The following ACSF3 variants were observed in gnomAD, a reference collection of about 807,000 sequenced individuals.
ACSF3 encodes malonate--CoA ligase ACSF3, mitochondrial.
In ACSF3, 78 loss-of-function variants were observed where a neutral mutation model predicts 53.2. The observed-to-expected ratio is 1.47, with a 90% CI of 1.22 to 1.77. The LOEUF (loss-of-function observed/expected upper bound fraction) is 1.77, where lower values mean the gene tolerates loss of function less well. Among genes scored for constraint, ACSF3 ranks in the 40% most tolerant of loss-of-function variants. The probability of loss-of-function intolerance (pLI) is 0.00; values close to 1 mark genes in which losing one functional copy is unlikely to be tolerated. For missense variants in ACSF3, 937 were observed against 771.1 expected (o/e 1.22, Z -2.55); for synonymous variants, 414 against 333.1 (o/e 1.24, Z -2.65).
rs1315256062 is a variant in ACSF3 at position 89,154,465 on chromosome 16, A to C, written c.*258A>C. 1.6e-6 allele frequency: 1 copy of C among 625,986 alleles called. No individual in the cohort carries two copies. The highest frequency in any genetic ancestry group is 2.1e-5 in the Admixed American group (1 of 47,508). The allele number at this position is 625,986 out of a possible 1,614,324, so 38.8% of individuals were successfully genotyped here. ...CGACCTCATCTGTGCAGCGCGGTGC[A>C]GCCAGCCCCTGGCCCCACGTGCTGA... On this transcript the variant is annotated 3_prime_UTR_variant, in exon 11 of 11. Coordinates refer to ENST00000614302, the MANE Select transcript of ACSF3 (RefSeq NM_001243279.3).
chr16:89,117,294 C>G (rs534877997), intron 6 of ACSF3, among the ~76,000 whole-genome samples: 221 of 152,354 alleles, frequency 1.5e-3, no homozygotes, highest in African/African-American at 5.1e-3. Flanking sequence ...TTTGCACTCA[C>G]ATACAAGAAC....
At chr16:89,117,596 C>G (rs1905378050) in intron 6 of ACSF3, among the ~76,000 whole-genome samples, 1 of 151,646 alleles carries the variant, frequency 6.6e-6, no homozygotes, top group African/African-American at 2.4e-5. Context: ...CCACTGTCTA[C>G]ACTGAGAGCG....
chr16:89,135,825 AG>A (rs1910335046), intron 8 of ACSF3, among the ~76,000 whole-genome samples: 1 of 152,248 alleles, frequency 6.6e-6, no homozygotes, highest in Admixed American at 6.5e-5. Context: ...CCCAGTCTGC[AG>A]TGCAGTGGCA....
intron 7 of ACSF3, among the ~76,000 whole-genome samples, chr16:89,121,355 A>G (rs1353851065): frequency 6.6e-6 from 1 of 152,154 alleles, no homozygotes; most frequent in Non-Finnish European, 1.5e-5. Context: ...ACAGGCCCCC[A>G]TAGTAGGTGT....
intron 8 of ACSF3, among the ~76,000 whole-genome samples, chr16:89,137,771 G>T (rs1425423423): frequency 6.6e-6 from 1 of 152,194 alleles, no homozygotes; most frequent in Non-Finnish European, 1.5e-5. Flanking sequence ...AGCGAGAAGG[G>T]AGCTGGGCCC....
chr16:89,102,652 C>G lies in ACSF3; in HGVS notation c.715C>G (p.Leu239Val). The G allele has an allele frequency of 6.2e-7, 1 of 1,613,936 alleles. No homozygotes were observed. Among genetic ancestry groups the G allele is most frequent in the Non-Finnish European group, 8.5e-7 (1 of 1,180,022 alleles). The change falls in exon 4 of 11, where the codon CTC becomes GTC. Residue 239 changes from leucine (L) to valine (V), a missense_variant. Leu to Val is a conservative substitution (Grantham distance 32). Coordinates refer to ENST00000614302, the MANE Select transcript of ACSF3 (RefSeq NM_001243279.3). ...GGCATGGACCAAAGACGACGTGATCCTCCACGTGCTCCCGCTGCACCACGT... is the reference window on the plus strand; with the variant it reads ...GGCATGGACCAAAGACGACGTGATCGTCCACGTGCTCCCGCTGCACCACGT... ...KWAWTKDDVI[L>V]HVLPLHHVHG...
intron 8 of ACSF3, among the ~76,000 whole-genome samples, chr16:89,135,243 G>C (rs571834497): frequency 7.9e-5 from 12 of 152,350 alleles, no homozygotes; most frequent in East Asian, 3.9e-4. Context: ...GGAGCAGAGC[G>C]GGGGGCTGCA....
chr16:89,110,533 GC>G (rs1976562231), intron 4 of ACSF3, among the ~76,000 whole-genome samples: 1 of 152,232 alleles, frequency 6.6e-6, no homozygotes, highest in African/African-American at 2.4e-5. Flanking sequence ...ATCTTACACA[GC>G]ATCACACTGT....
intron 8 of ACSF3, chr16:89,136,938 G>C (rs1288557780): frequency 8.8e-7 from 1 of 1,133,850 alleles, no homozygotes; most frequent in Admixed American, 3.0e-5. Flanking sequence ...TCTGTCTCAG[G>C]TAACTCCTCT....
At position 89,154,378 on chromosome 16, in the gene ACSF3, C is replaced by A; in HGVS notation, c.*171C>A. ...GAAATCACCATGTGGGGTCCCCAGC[C>A]TCGGGCCAGTTGTTGCAGCTCAAGG... On this transcript the variant is annotated 3_prime_UTR_variant, in exon 11 of 11. Coordinates refer to ENST00000614302, the MANE Select transcript of ACSF3 (RefSeq NM_001243279.3). 1 of 721,354 alleles carries A rather than the reference C, an allele frequency of 1.4e-6. No individual in the cohort carries two copies. The highest frequency in any genetic ancestry group is 2.5e-6 in the Non-Finnish European group (1 of 407,536). 44.7% of individuals were successfully genotyped at this position (721,354 alleles called of 1,614,324 possible).
At chr16:89,126,260 T>C (rs905714950) in intron 7 of ACSF3, among the ~76,000 whole-genome samples, 2 of 152,052 alleles carry the variant, frequency 1.3e-5, no homozygotes, top group Non-Finnish European at 2.9e-5. Flanking sequence ...GGCAGGTGGG[T>C]ATGGGGGGAG....
intron 3 of ACSF3, among the ~76,000 whole-genome samples, chr16:89,102,191 C>T (rs557515694): frequency 1.3e-5 from 2 of 152,342 alleles, no homozygotes; most frequent in Admixed American, 6.5e-5. Flanking sequence ...CGATAATTCA[C>T]GAATCGGCAG....
intron 7 of ACSF3, among the ~76,000 whole-genome samples, chr16:89,129,816 C>G (rs1908912938): frequency 6.6e-6 from 1 of 152,152 alleles, no homozygotes; most frequent in African/African-American, 2.4e-5. Flanking sequence ...AATATACATA[C>G]TTCCTTTTTT....
At chr16:89,102,802 C>T (rs754781540) in intron 4 of ACSF3, 43 bp downstream of exon 4, 10 of 1,522,716 alleles carry the variant, frequency 6.6e-6, no homozygotes, top group South Asian at 1.1e-5. Context: ...TCAGACTAGG[C>T]GCCTTTCCCC....
chr16:89,104,156 A>G (rs1658527794), intron 4 of ACSF3, among the ~76,000 whole-genome samples: 1 of 152,242 alleles, frequency 6.6e-6, no homozygotes, highest in African/African-American at 2.4e-5. Flanking sequence ...GGTGTGGTGA[A>G]GCAGAGCCCT....
chr16:89,133,101 C>T, intron 7 of ACSF3, 35 bp from the exon 8 acceptor site: 2 of 1,612,522 alleles, frequency 1.2e-6, no homozygotes, highest in African/African-American at 1.3e-5. Flanking sequence ...GAGGGTGTGC[C>T]CAGCTCTGAC....
intron 7 of ACSF3, among the ~76,000 whole-genome samples, chr16:89,126,784 A>T (rs1201622489): frequency 1.3e-5 from 2 of 152,216 alleles, no homozygotes; most frequent in African/African-American, 4.8e-5. Context: ...TCCAACCTGT[A>T]TGACCAAAGC....
At chr16:89,125,062 A>C (rs1377094805) in intron 7 of ACSF3, among the ~76,000 whole-genome samples, 1 of 152,144 alleles carries the variant, frequency 6.6e-6, no homozygotes, top group East Asian at 1.9e-4. Flanking sequence ...TAGCTTGTCT[A>C]GCCGGGCCTG....
intron 7 of ACSF3, among the ~76,000 whole-genome samples, chr16:89,124,887 T>A (rs955570505): frequency 6.6e-6 from 1 of 152,250 alleles, no homozygotes; most frequent in Admixed American, 6.5e-5. Flanking sequence ...AGGGTCTACA[T>A]ACAGGTTATC....
Sources: allele counts gnomAD v4.1 joint callset (sites outside exome capture counted in the v4.1 genomes callset), GRCh38; gene constraint gnomAD v4.1.1; transcripts MANE v1.5; gene names NCBI Gene and HGNC (gene_info 2026-07-23, HGNC 2026-07-21).